The following GTF2F2 variants were observed in gnomAD, a reference collection of about 807,000 sequenced individuals.
The protein encoded by GTF2F2 is general transcription factor IIF subunit 2.
In GTF2F2, 23 loss-of-function variants were observed where a neutral mutation model predicts 42.2. The ratio of observed to expected loss-of-function variants is 0.55; its 90% confidence interval spans 0.39 to 0.77. The LOEUF (loss-of-function observed/expected upper bound fraction) is 0.77. GTF2F2 is among the 30% of genes least tolerant of loss of function. The pLI is 0.00. For missense variants in GTF2F2, 261 were observed against 287.2 expected (o/e 0.91, Z 0.66); for synonymous variants, 105 against 100.8 (o/e 1.04, Z -0.25).
rs140503542 is a variant in GTF2F2, at chr13:45,241,808, A to G, written c.387-11063A>G. On this transcript the variant is annotated intron_variant, in intron 5 of 7. Coordinates refer to ENST00000340473, the MANE Select transcript of GTF2F2 (RefSeq NM_004128.3). ...TTTTCTTCTTTTTTCCTCCTTATTT[A>G]TTTATTCAACGCACTGGGTTTTACA... is the stretch of plus-strand genomic sequence containing the variant. 5.7e-3 allele frequency among the ~76,000 whole-genome samples: 867 copies of G among 152,152 alleles called. 8 individuals carry two copies. The highest frequency in any genetic ancestry group is 0.02 in the African/African-American group (836 of 41,504).
At chr13:45,135,099 A>G (rs997702819) in intron 1 of GTF2F2, among the ~76,000 whole-genome samples, 33 of 152,014 alleles carry the variant, frequency 2.2e-4, no homozygotes, top group African/African-American at 7.7e-4. Context: ...GACCACAGGC[A>G]TGTGCCACTG....
At chr13:45,206,223 T>A (rs1485385874) in intron 4 of GTF2F2, 1 of 152,178 alleles carries the variant, frequency 6.6e-6, no homozygotes, top group East Asian at 1.9e-4. Flanking sequence ...TACGGTGTGC[T>A]TGTAATTAGT....
chr13:45,151,597 T>A, intron 3 of GTF2F2, 90 bp from the exon 4 acceptor site: 1 of 781,168 alleles, frequency 1.3e-6, no homozygotes, highest in Non-Finnish European at 2.0e-6. Context: ...GAAAACACAT[T>A]TAAAAACAAT....
chr13:45,276,092 G>T (rs1231008063), intron 7 of GTF2F2, among the ~76,000 whole-genome samples: 1 of 152,128 alleles, frequency 6.6e-6, no homozygotes, highest in Non-Finnish European at 1.5e-5. Context: ...ACCCAAAAAA[G>T]TTTGTGTATG....
At chr13:45,223,192 G>A (rs1874187079) in intron 5 of GTF2F2, among the ~76,000 whole-genome samples, 1 of 148,890 alleles carries the variant, frequency 6.7e-6, no homozygotes, top group South Asian at 2.1e-4. Flanking sequence ...AGGAGGTGCA[G>A]GAGGTTGCAG....
chr13:45,227,677 A>G (rs1257253464), intron 5 of GTF2F2, among the ~76,000 whole-genome samples: 1 of 152,248 alleles, frequency 6.6e-6, no homozygotes, highest in Non-Finnish European at 1.5e-5. Flanking sequence ...AGTAGTTAAC[A>G]TAGTCCCTGA....
At chr13:45,165,329 A>T (rs1035457636) in intron 4 of GTF2F2, among the ~76,000 whole-genome samples, 4,463 of 129,586 alleles carry the variant, frequency 0.034, 147 homozygotes, top group African/African-American at 0.099. Context: ...ATATATATAT[A>T]TATTTTTTTT....
chr13:45,140,357 GTA>G, intron 2 of GTF2F2, among the ~76,000 whole-genome samples: 1 of 152,170 alleles, frequency 6.6e-6, no homozygotes, highest in Non-Finnish European at 1.5e-5. Context: ...GAATGATTGA[GTA>G]TATGTTCATA....
At chr13:45,212,444 C>CTTTCTTTCTTTCTTTTCTTTTCTT (rs1232825230) in intron 5 of GTF2F2, among the ~76,000 whole-genome samples, 1 of 72,572 alleles carries the variant, frequency 1.4e-5, no homozygotes, top group African/African-American at 5.3e-5. Flanking sequence ...TTCTTTCTTT[C>CTTTCTTTCTTTCTTTTCTTTTCTT]TTGTTTCTTT....
intron 4 of GTF2F2, among the ~76,000 whole-genome samples, chr13:45,202,251 G>A (rs1411033747): frequency 1.3e-5 from 2 of 152,158 alleles, no homozygotes; most frequent in East Asian, 1.9e-4. Context: ...GCCTGGCGCA[G>A]TGGCACATAC....
chr13:45,277,866 A>C (rs1255299903), intron 7 of GTF2F2, among the ~76,000 whole-genome samples: 2 of 152,172 alleles, frequency 1.3e-5, no homozygotes, highest in Admixed American at 6.5e-5. Flanking sequence ...CATCAGTGTA[A>C]GTTTGCATAT....
chr13:45,131,084 C>T (rs1473293875), intron 1 of GTF2F2, among the ~76,000 whole-genome samples: 10 of 152,044 alleles, frequency 6.6e-5, no homozygotes, highest in African/African-American at 2.4e-4. Context: ...GAAACCCCGT[C>T]TCTGCTAAAA....
rs554716532 is a variant in GTF2F2 at position 45,205,700 on chromosome 13, A to G, written c.305-1724A>G. 2.0e-5 allele frequency among the ~76,000 whole-genome samples: 3 copies of G among 152,122 alleles called. No homozygotes were observed. The South Asian group carries it at 6.2e-4, about 32-fold the overall frequency. On this transcript the variant is annotated intron_variant, in intron 4 of 7. Transcript: ENST00000340473. ...ATGCCTGGCTAATTTTTTATATTTT[A>G]GTAGAGACAGGGTTTCACCATGTTG... is the stretch of plus-strand genomic sequence containing the variant.
At chr13:45,249,935 A>G (rs187856066) in intron 5 of GTF2F2, among the ~76,000 whole-genome samples, 1 of 152,290 alleles carries the variant, frequency 6.6e-6, no homozygotes, top group East Asian at 1.9e-4. Context: ...GACACTTTGT[A>G]AACATTCCTA....
At chr13:45,140,083 G>C (rs981762263) in intron 2 of GTF2F2, among the ~76,000 whole-genome samples, 1 of 151,540 alleles carries the variant, frequency 6.6e-6, no homozygotes, top group African/African-American at 2.4e-5. Context: ...CTGTTCCCAG[G>C]ACTACAGGCA....
chr13:45,163,755 T>TA (rs1871144605), intron 4 of GTF2F2, among the ~76,000 whole-genome samples: 1 of 152,284 alleles, frequency 6.6e-6, no homozygotes, highest in South Asian at 2.1e-4. Flanking sequence ...ATTTAAAGTG[T>TA]AAAAAATGCC....
At chr13:45,134,179 A>G (rs1869500734) in intron 1 of GTF2F2, among the ~76,000 whole-genome samples, 1 of 152,088 alleles carries the variant, frequency 6.6e-6, no homozygotes. Flanking sequence ...CCCCTTTTCA[A>G]TCTGTGTGAT....
intron 5 of GTF2F2, among the ~76,000 whole-genome samples, chr13:45,235,124 G>C (rs1374787482): frequency 7.0e-6 from 1 of 142,980 alleles, no homozygotes; most frequent in Non-Finnish European, 1.5e-5. Flanking sequence ...TGACAACATT[G>C]TGAAAACAGA....
chr13:45,274,210 C>A (rs943702361), intron 7 of GTF2F2, among the ~76,000 whole-genome samples: 5 of 151,778 alleles, frequency 3.3e-5, no homozygotes, highest in African/African-American at 4.8e-5. Flanking sequence ...GGATATATTA[C>A]ATTACCCAGA....
Sources: allele counts gnomAD v4.1 joint callset (sites outside exome capture counted in the v4.1 genomes callset), GRCh38; gene constraint gnomAD v4.1.1; transcripts MANE v1.5; gene names NCBI Gene and HGNC (gene_info 2026-07-23, HGNC 2026-07-21).